Variants in JPH1 observed in about 807,000 individuals in gnomAD.
The protein encoded by JPH1 is junctophilin 1.
JPH1 carries 12 observed loss-of-function variants against 53.6 expected under a neutral mutation model. That is an observed-to-expected ratio of 0.22 (90% CI 0.14 to 0.36). The LOEUF (loss-of-function observed/expected upper bound fraction) is 0.36, where lower values mean the gene tolerates loss of function less well. Ranked by LOEUF, JPH1 falls within the 10% of genes least tolerant of loss-of-function variation. The pLI is 1.00. For missense variants in JPH1, 808 were observed against 905.5 expected (o/e 0.89, Z 1.38); for synonymous variants, 375 against 363.8 (o/e 1.03, Z -0.35).
chr8:74,302,959 G>GAAAAAAA (rs34040034), intron 2 of JPH1, among the ~76,000 whole-genome samples: 3 of 136,706 alleles, frequency 2.2e-5, no homozygotes, highest in African/African-American at 2.6e-5. Flanking sequence ...GCCAAGAAAA[G>GAAAAAAA]AAAAAAAAAA....
At chr8:74,275,402 T>C (rs916889995) in intron 2 of JPH1, among the ~76,000 whole-genome samples, 28 of 152,164 alleles carry the variant, frequency 1.8e-4, no homozygotes, top group Non-Finnish European at 2.9e-5. Flanking sequence ...ATAAATCCCA[T>C]GTTACCCTTA....
intron 2 of JPH1, among the ~76,000 whole-genome samples, chr8:74,266,569 G>A (rs1249661299): frequency 1.3e-5 from 2 of 152,058 alleles, no homozygotes; most frequent in African/African-American, 4.8e-5. Context: ...TTGTTTAATG[G>A]GTACAGATTG....
intron 2 of JPH1, among the ~76,000 whole-genome samples, chr8:74,285,855 A>G (rs1429092075): frequency 6.6e-6 from 1 of 152,264 alleles, no homozygotes; most frequent in Admixed American, 6.5e-5. Flanking sequence ...ATTTCTATAT[A>G]TGTAAATAAC....
intron 2 of JPH1, among the ~76,000 whole-genome samples, chr8:74,310,146 A>G (rs1807949095): frequency 1.3e-5 from 2 of 152,114 alleles, no homozygotes; most frequent in Admixed American, 6.6e-5. Context: ...TCAGAGTAGC[A>G]TCTTCATCTA....
intron 2 of JPH1, among the ~76,000 whole-genome samples, chr8:74,304,791 C>T (rs1807786069): frequency 6.6e-6 from 1 of 152,198 alleles, no homozygotes; most frequent in South Asian, 2.1e-4. Flanking sequence ...ATTTCTGACA[C>T]TCTATTGCAT....
chr8:74,281,045 G>A (rs16938849), intron 2 of JPH1, among the ~76,000 whole-genome samples: 23,523 of 152,136 alleles, frequency 0.15, 2,309 homozygotes, highest in East Asian at 0.27. Flanking sequence ...TCTTTCCTCC[G>A]CGTGGTTCTG....
intron 3 of JPH1, among the ~76,000 whole-genome samples, chr8:74,257,976 C>T (rs999419536): frequency 6.6e-6 from 1 of 151,972 alleles, no homozygotes; most frequent in African/African-American, 2.4e-5. Flanking sequence ...ACCTCCTGCC[C>T]CCATTCTCCA....
intron 2 of JPH1, among the ~76,000 whole-genome samples, chr8:74,294,067 T>C (rs1351723090): frequency 6.6e-6 from 1 of 152,098 alleles, no homozygotes; most frequent in African/African-American, 2.4e-5. Context: ...GGTCTGTCCT[T>C]GGGGGCTGGT....
At position 74,321,369 on chromosome 8, in the gene JPH1, G is replaced by A; in HGVS notation, c.-82C>T. The A allele has an allele frequency of 1.5e-6, 2 of 1,329,064 alleles. No homozygotes were observed. The highest frequency in any genetic ancestry group is 2.0e-6 in the Non-Finnish European group (2 of 1,024,446). The allele number at this position is 1,329,064 out of a possible 1,614,324, so 82.3% of individuals were successfully genotyped here. A position where few individuals can be genotyped will look rare whatever the true frequency, so the allele number is the denominator to read the frequency against. On this transcript the variant is annotated 5_prime_UTR_variant, in exon 1 of 6. Transcript: ENST00000342232. The surrounding 1 kb of genome is among the most constrained non-coding windows in gnomAD (Gnocchi z 4.3). ...CACGGCAGGGTGTAGCTCGGGGGTG[G>A]GGGCCCGGCGGGCGAGCTCACGACA...
intron 2 of JPH1, among the ~76,000 whole-genome samples, chr8:74,263,992 A>G (rs142678268): frequency 6.6e-6 from 1 of 152,342 alleles, no homozygotes; most frequent in East Asian, 1.9e-4. Context: ...TGTCAGTTTA[A>G]AATCAGAGGT....
intron 2 of JPH1, among the ~76,000 whole-genome samples, chr8:74,265,019 G>T (rs982017233): frequency 6.6e-6 from 1 of 152,116 alleles, no homozygotes; most frequent in Admixed American, 6.5e-5. Flanking sequence ...TATGCACACG[G>T]TAATCCTTTC....
chr8:74,288,100 T>G (rs1426128941), intron 2 of JPH1, among the ~76,000 whole-genome samples: 1 of 152,196 alleles, frequency 6.6e-6, no homozygotes, highest in African/African-American at 2.4e-5. Flanking sequence ...TAAAGAGAAC[T>G]GGCTGGACTC....
At chr8:74,285,413 A>T (rs944741786) in intron 2 of JPH1, among the ~76,000 whole-genome samples, 4 of 152,160 alleles carry the variant, frequency 2.6e-5, no homozygotes, top group African/African-American at 9.7e-5. Context: ...CTCTTTATGT[A>T]ATGATATGGA....
chr8:74,290,278 T>G (rs1807285905), intron 2 of JPH1, among the ~76,000 whole-genome samples: 1 of 152,312 alleles, frequency 6.6e-6, no homozygotes, highest in Admixed American at 6.5e-5. Flanking sequence ...GATAAGCAAC[T>G]TCAGCAAAGT....
intron 2 of JPH1, among the ~76,000 whole-genome samples, chr8:74,310,186 AGGT>A (rs1300563220): frequency 1.3e-5 from 2 of 151,784 alleles, no homozygotes; most frequent in African/African-American, 4.8e-5. Context: ...CCAGAACTAG[AGGT>A]GGTATGTCAG....
At chr8:74,309,606 G>A (rs1807931655) in intron 2 of JPH1, among the ~76,000 whole-genome samples, 1 of 152,144 alleles carries the variant, frequency 6.6e-6, no homozygotes, top group African/African-American at 2.4e-5. Context: ...TTTTTCTCAA[G>A]GAGTAGTGAC....
intron 2 of JPH1, among the ~76,000 whole-genome samples, chr8:74,303,766 T>A (rs1217612393): frequency 1.3e-5 from 2 of 151,990 alleles, no homozygotes; most frequent in Non-Finnish European, 2.9e-5. Context: ...ATTTAATCTG[T>A]CTCCAGTTTC....
At chr8:74,266,152 C>T (rs549516090) in intron 2 of JPH1, among the ~76,000 whole-genome samples, 3 of 152,014 alleles carry the variant, frequency 2.0e-5, no homozygotes, top group South Asian at 2.1e-4. Flanking sequence ...AGCAGGGTCT[C>T]AAAGTGATAT....
At chr8:74,258,956 T>C (rs1806313191) in intron 3 of JPH1, among the ~76,000 whole-genome samples, 1 of 152,178 alleles carries the variant, frequency 6.6e-6, no homozygotes, top group Admixed American at 6.5e-5. Flanking sequence ...ATCCAAAACA[T>C]TGTGGGCACC....
Sources: allele counts gnomAD v4.1 joint callset (sites outside exome capture counted in the v4.1 genomes callset), GRCh38; gene constraint gnomAD v4.1.1; non-coding constraint Gnocchi (gnomAD v3.1); transcripts MANE v1.5; gene names NCBI Gene and HGNC (gene_info 2026-07-23, HGNC 2026-07-21).